ANKHD1: variants seen among roughly 807,000 people sequenced by gnomAD.
The protein encoded by ANKHD1 is ankyrin repeat and KH domain containing 1.
ANKHD1 carries 31 observed loss-of-function variants against 230.5 expected under a neutral mutation model. That is an observed-to-expected ratio of 0.13 (90% CI 0.10 to 0.18). ANKHD1 has a LOEUF of 0.18. Ranked by LOEUF, ANKHD1 falls within the 10% of genes least tolerant of loss-of-function variation. The probability of loss-of-function intolerance (pLI) is 1.00; values close to 1 mark genes in which losing one functional copy is unlikely to be tolerated. For synonymous variants in ANKHD1, 1,074 were observed against 1,117.6 expected (o/e 0.96, Z 0.78); for missense variants, 2,256 against 3,071.3 (o/e 0.73, Z 6.27).
intron 10 of ANKHD1, among the ~76,000 whole-genome samples, chr5:140,478,149 T>C (rs1411582129): frequency 6.6e-6 from 1 of 152,154 alleles, no homozygotes; most frequent in African/African-American, 2.4e-5. Context: ...TTCTATCATA[T>C]ATGGTATTCT....
At chr5:140,458,275 A>G (rs538039551) in intron 7 of ANKHD1, among the ~76,000 whole-genome samples, 5 of 152,256 alleles carry the variant, frequency 3.3e-5, no homozygotes, top group Admixed American at 1.3e-4. Flanking sequence ...TAATCTTGTT[A>G]TTTTGAGGTA....
intron 6 of ANKHD1, among the ~76,000 whole-genome samples, 175 bp downstream of exon 6, chr5:140,446,150 G>A (rs994600083): frequency 1.3e-5 from 2 of 152,002 alleles, no homozygotes; most frequent in Non-Finnish European, 2.9e-5. Context: ...CTGTAATATA[G>A]TTTTCTAGTA....
rs114400528 is a variant in ANKHD1 at position 140,463,226 on chromosome 5, G to A, written c.1673-1441G>A. On this transcript the variant is annotated intron_variant, in intron 9 of 33. Coordinates refer to ENST00000360839, the MANE Select transcript of ANKHD1 (RefSeq NM_017747.3). ...TATAAGATGGCCTTTACTTCATCAC[G>A]GTCATTCTTTGTGATGTAAAAATTG... is the stretch of plus-strand genomic sequence containing the variant. Among the ~76,000 whole-genome samples, 462 of 152,018 alleles carry A rather than the reference G, an allele frequency of 3.0e-3. 2 individuals carry two copies. Among genetic ancestry groups the A allele is most frequent in the African/African-American group, 0.011 (445 of 41,470 alleles).
At chr5:140,422,671 G>A (rs1289640569) in intron 1 of ANKHD1, among the ~76,000 whole-genome samples, 1 of 151,044 alleles carries the variant, frequency 6.6e-6, no homozygotes, top group African/African-American at 2.4e-5. Flanking sequence ...TTAGCAGGGT[G>A]TAGTGGTACG....
chr5:140,452,534 C>T (rs999611377), intron 7 of ANKHD1, among the ~76,000 whole-genome samples: 8 of 152,118 alleles, frequency 5.3e-5, no homozygotes, highest in Admixed American at 1.3e-4. Flanking sequence ...TCCAGAGGAA[C>T]GATCAGGCAG....
intron 7 of ANKHD1, among the ~76,000 whole-genome samples, chr5:140,458,307 GT>G (rs1298768800): frequency 6.6e-6 from 1 of 152,084 alleles, no homozygotes; most frequent in Admixed American, 6.6e-5. Context: ...AGATTTCACA[GT>G]TTTTTGAACT....
intron 1 of ANKHD1, among the ~76,000 whole-genome samples, chr5:140,426,958 T>C (rs1772478222): frequency 6.6e-6 from 1 of 152,224 alleles, no homozygotes; most frequent in African/African-American, 2.4e-5. Context: ...CTCAATCTTT[T>C]CCCCACCTTT....
intron 9 of ANKHD1, among the ~76,000 whole-genome samples, chr5:140,459,777 T>A (rs532561206): frequency 1.1e-4 from 16 of 151,900 alleles, no homozygotes; most frequent in Non-Finnish European, 1.8e-4. Flanking sequence ...AAAATAAAAT[T>A]AAATTAAATA....
chr5:140,478,979 A>C (rs868503539), intron 10 of ANKHD1, among the ~76,000 whole-genome samples: 7 of 121,874 alleles, frequency 5.7e-5, no homozygotes, highest in Non-Finnish European at 1.2e-4. Flanking sequence ...TTTTTATTTT[A>C]TTTATTTTTT....
intron 1 of ANKHD1, among the ~76,000 whole-genome samples, chr5:140,405,009 G>A (rs1407328460): frequency 4.9e-5 from 6 of 122,296 alleles, no homozygotes; most frequent in African/African-American, 1.6e-4. Flanking sequence ...GTGTGTGTGT[G>A]TGTGTATGTG....
At chr5:140,500,031 G>C (rs1434790583) in intron 15 of ANKHD1, among the ~76,000 whole-genome samples, 1 of 151,946 alleles carries the variant, frequency 6.6e-6, no homozygotes, top group East Asian at 1.9e-4. Flanking sequence ...ACCACACCCA[G>C]CTAATTTTTG....
chr5:140,402,964 CTTTTTTTTTTT>C (rs56939861), intron 1 of ANKHD1, among the ~76,000 whole-genome samples: 18 of 73,942 alleles, frequency 2.4e-4, no homozygotes, highest in South Asian at 2.4e-3. Flanking sequence ...GAAACCTCTT[CTTTTTTTTTTT>C]TTTTTTTTTT....
chr5:140,476,936 A>C (rs1421094759), intron 10 of ANKHD1, among the ~76,000 whole-genome samples: 1 of 152,186 alleles, frequency 6.6e-6, no homozygotes, highest in Non-Finnish European at 1.5e-5. Context: ...GTTCAGGAGG[A>C]GAAGGTACTG....
chr5:140,488,220 T>G (rs114027901), intron 14 of ANKHD1, among the ~76,000 whole-genome samples: 2,283 of 152,178 alleles, frequency 0.015, 58 homozygotes, highest in African/African-American at 0.052. Flanking sequence ...TTGTTTTCTT[T>G]GGGGGGGAGT....
chr5:140,454,156 G>A (rs1774972713), intron 7 of ANKHD1, among the ~76,000 whole-genome samples: 1 of 152,158 alleles, frequency 6.6e-6, no homozygotes, highest in Non-Finnish European at 1.5e-5. Context: ...AACAAGAAGA[G>A]CTAACTATCT....
At chr5:140,523,721 C>G (rs531295492) in intron 24 of ANKHD1, among the ~76,000 whole-genome samples, 2 of 151,998 alleles carry the variant, frequency 1.3e-5, no homozygotes, top group Admixed American at 6.6e-5. Context: ...CCACCACACC[C>G]AGTTAATTTT....
intron 14 of ANKHD1, among the ~76,000 whole-genome samples, chr5:140,493,132 G>T (rs1751880245): frequency 6.6e-6 from 1 of 152,192 alleles, no homozygotes; most frequent in Admixed American, 6.5e-5. Flanking sequence ...CACGATCTCA[G>T]CTCGCTGCAA....
rs1193439242 is a variant in ANKHD1 at position 140,491,139 on chromosome 5, CATAT to C, written c.2245+4098_2245+4101del. Among the ~76,000 whole-genome samples, 56 of 56,354 alleles carry C rather than the reference CATAT, an allele frequency of 9.9e-4. 1 individual carries two copies. Among genetic ancestry groups the C allele is most frequent in the South Asian group, 3.4e-3 (4 of 1,180 alleles). 37.0% of individuals were successfully genotyped at this position (56,354 alleles called of 152,430 possible). On this transcript the variant is annotated intron_variant, in intron 14 of 33. Coordinates refer to ENST00000360839, the MANE Select transcript of ANKHD1 (RefSeq NM_017747.3). ...ACACACATATATATATATATATACA[CATAT>C]ATATATATATATATATATTTTTTTT...
chr5:140,490,243 A>G lies in ANKHD1; in HGVS notation c.2245+3183A>G, dbSNP rs1468021902. Among the ~76,000 whole-genome samples, 4 of 152,174 alleles carry G rather than the reference A, an allele frequency of 2.6e-5. No individual in the cohort carries two copies. In the East Asian group the frequency reaches 7.7e-4, roughly 29 times the overall value. On this transcript the variant is annotated intron_variant, in intron 14 of 33. Coordinates refer to ENST00000360839, the MANE Select transcript of ANKHD1 (RefSeq NM_017747.3). ...TTCCTCTTCCAGCGATCATCTTTTC[A>G]GGTTCTTATAACATTTTACTCCTGT...
Sources: allele counts gnomAD v4.1 joint callset (sites outside exome capture counted in the v4.1 genomes callset), GRCh38; gene constraint gnomAD v4.1.1; transcripts MANE v1.5; gene names NCBI Gene and HGNC (gene_info 2026-07-23, HGNC 2026-07-21).